Variants in TYW1B observed in about 807,000 individuals in gnomAD.
TYW1B encodes the protein tRNA-yW synthesizing protein 1 homolog B, also known as S-adenosyl-L-methionine-dependent tRNA 4-demethylwyosine synthase TYW1B.
A neutral mutation model predicts 86.9 loss-of-function variants in TYW1B; 73 were observed. That is an observed-to-expected ratio of 0.84 (90% CI 0.70 to 1.02). The LOEUF is 1.02. TYW1B is among the 50% of genes least tolerant of loss of function. The probability of loss-of-function intolerance (pLI) is 0.00; values close to 1 mark genes in which losing one functional copy is unlikely to be tolerated. For missense variants in TYW1B, 637 were observed against 827.4 expected (o/e 0.77, Z 2.82); for synonymous variants, 248 against 292.8 (o/e 0.85, Z 1.56).
intron 11 of TYW1B, among the ~76,000 whole-genome samples, chr7:72,671,747 T>C (rs1813605667): frequency 6.6e-6 from 1 of 152,082 alleles, no homozygotes; most frequent in Non-Finnish European, 1.5e-5. Context: ...TTTCAGTATG[T>C]TTAGGACATT....
intron 11 of TYW1B, among the ~76,000 whole-genome samples, chr7:72,652,414 G>C (rs1400433598): frequency 7.2e-6 from 1 of 138,864 alleles, no homozygotes; most frequent in Non-Finnish European, 1.6e-5. Flanking sequence ...AAATTTTTGT[G>C]ACATTGTTAC....
intron 13 of TYW1B, among the ~76,000 whole-genome samples, chr7:72,603,823 T>C (rs1420488263): frequency 6.6e-6 from 1 of 152,088 alleles, no homozygotes; most frequent in African/African-American, 2.4e-5. Flanking sequence ...TAATAGGGCA[T>C]TCCACAAAAT....
chr7:72,779,815 GA>G (rs1554471334), intron 6 of TYW1B, among the ~76,000 whole-genome samples: 1 of 146,150 alleles, frequency 6.8e-6, no homozygotes, highest in Non-Finnish European at 1.5e-5. Flanking sequence ...TCTGAAATAG[GA>G]CATCAGTGAA....
Position 72,828,122 on chromosome 7 carries a change from C to T in TYW1B, c.-47G>A. 1.2e-6 allele frequency: 2 copies of T among 1,612,070 alleles called. No individual in the cohort carries two copies. The highest frequency in any genetic ancestry group is 1.7e-6 in the Non-Finnish European group (2 of 1,179,216). ...ACTAGGATCTCGGACCTGGAGAGCC[C>T]AAAGGTTCGCACTGGTACTGCGAGA... On this transcript the variant is annotated 5_prime_UTR_variant, in exon 1 of 14. Coordinates refer to ENST00000620995, the MANE Select transcript of TYW1B (RefSeq NM_001145440.3).
chr7:72,740,465 A>C (rs1787284062), intron 8 of TYW1B, among the ~76,000 whole-genome samples: 1 of 87,582 alleles, frequency 1.1e-5, no homozygotes, highest in African/African-American at 3.6e-5. Context: ...GACTGGGAGA[A>C]GCTTTTTTTT....
At chr7:72,650,682 G>C (rs532107982) in intron 11 of TYW1B, among the ~76,000 whole-genome samples, 56 of 152,190 alleles carry the variant, frequency 3.7e-4, no homozygotes, top group Non-Finnish European at 4.3e-4. Flanking sequence ...CCAGGAATTG[G>C]ACCTAGCTGC....
intron 10 of TYW1B, among the ~76,000 whole-genome samples, chr7:72,699,296 C>G (rs1426699226): frequency 2.6e-5 from 4 of 152,170 alleles, no homozygotes; most frequent in Non-Finnish European, 5.9e-5. Flanking sequence ...AACTATCCCC[C>G]CATGGCTCTA....
intron 10 of TYW1B, among the ~76,000 whole-genome samples, chr7:72,710,038 A>C (rs35552579): frequency 6.6e-5 from 10 of 152,212 alleles, no homozygotes; most frequent in Non-Finnish European, 7.3e-5. Context: ...ATAACATCTA[A>C]CAAATGTGCC....
intron 7 of TYW1B, among the ~76,000 whole-genome samples, chr7:72,773,627 G>A (rs1177927880): frequency 2.6e-5 from 4 of 152,156 alleles, no homozygotes; most frequent in African/African-American, 7.2e-5. Flanking sequence ...AGTCTACAGC[G>A]GATTTCTCTC....
intron 11 of TYW1B, among the ~76,000 whole-genome samples, chr7:72,634,031 C>T (rs1340315018): frequency 6.6e-6 from 1 of 152,130 alleles, no homozygotes; most frequent in Non-Finnish European, 1.5e-5. Flanking sequence ...GTGCATGGTA[C>T]TTATGTGTCA....
intron 6 of TYW1B, among the ~76,000 whole-genome samples, chr7:72,791,736 A>G (rs1788223506): frequency 6.6e-6 from 1 of 152,132 alleles, no homozygotes; most frequent in African/African-American, 2.4e-5. Flanking sequence ...AGATGGCGCC[A>G]CTGCACTCTG....
chr7:72,730,214 G>A (rs2960996), intron 8 of TYW1B, among the ~76,000 whole-genome samples: 105,444 of 151,590 alleles, frequency 0.7, 37,519 homozygotes, highest in Non-Finnish European at 0.77. Flanking sequence ...AACATGATTA[G>A]TTCTCCAGTA....
At chr7:72,601,574 C>T (rs1811667633) in intron 13 of TYW1B, among the ~76,000 whole-genome samples, 1 of 151,826 alleles carries the variant, frequency 6.6e-6, no homozygotes, top group Non-Finnish European at 1.5e-5. Context: ...ATGTTTAGAG[C>T]AGCTTTGTTC....
At chr7:72,769,268 T>C (rs1787826879) in intron 7 of TYW1B, 2 of 191,178 alleles carry the variant, frequency 1.0e-5, no homozygotes, top group South Asian at 2.7e-4. Context: ...ATTGTGCATA[T>C]GTATGTGTCT....
At chr7:72,789,342 G>A (rs1788180792) in intron 6 of TYW1B, among the ~76,000 whole-genome samples, 1 of 150,452 alleles carries the variant, frequency 6.6e-6, no homozygotes, top group African/African-American at 2.5e-5. Flanking sequence ...CACCATGTTA[G>A]CCAGGCTGGT....
intron 6 of TYW1B, among the ~76,000 whole-genome samples, chr7:72,798,306 G>A (rs1355365736): frequency 6.6e-6 from 1 of 151,858 alleles, no homozygotes; most frequent in Non-Finnish European, 1.5e-5. Context: ...CAGGAGAACG[G>A]CGTGAACCCA....
intron 11 of TYW1B, among the ~76,000 whole-genome samples, chr7:72,635,563 A>G (rs1419574525): frequency 1.3e-5 from 2 of 152,210 alleles, no homozygotes; most frequent in Non-Finnish European, 2.9e-5. Context: ...CGATGGTGCC[A>G]ACGTTGAAAA....
At chr7:72,813,141 GT>G (rs1788653175) in intron 3 of TYW1B, among the ~76,000 whole-genome samples, 1 of 148,820 alleles carries the variant, frequency 6.7e-6, no homozygotes. Context: ...TTACGTGAAA[GT>G]TTGTCAACCC....
chr7:72,722,830 A>G (rs1229003768), intron 9 of TYW1B: 6 of 518,200 alleles, frequency 1.2e-5, no homozygotes, highest in Non-Finnish European at 2.1e-5. Flanking sequence ...GGGAACTCAC[A>G]CTAGAAAGCA....
Sources: gnomAD v4.1 joint callset for allele counts (sites outside exome capture counted in the v4.1 genomes callset) on GRCh38, gnomAD v4.1.1 for gene constraint, MANE v1.5 for transcripts, NCBI Gene and HGNC (gene_info 2026-07-23, HGNC 2026-07-21) for gene names.